NAALADL2: variants seen among roughly 807,000 people sequenced by gnomAD.
NAALADL2 encodes the protein N-acetylated alpha-linked acidic dipeptidase like 2.
A neutral mutation model predicts 87.2 loss-of-function variants in NAALADL2; 76 were observed. The observed-to-expected ratio is 0.87, with a 90% CI of 0.72 to 1.05. The LOEUF is 1.05. Among genes scored for constraint, NAALADL2 ranks in the 50% least tolerant of loss-of-function variants. The pLI, the probability that NAALADL2 is intolerant of heterozygous loss-of-function variation, is 0.00. For synonymous variants in NAALADL2, 354 were observed against 331.0 expected (o/e 1.07, Z -0.75); for missense variants, 1,089 against 945.8 (o/e 1.15, Z -1.99).
In NAALADL2 at chr3:175,463,423, A is replaced by G; in HGVS notation, c.1257A>G (p.Gln419=). 6.3e-7 allele frequency: 1 copy of G among 1,594,644 alleles called. No homozygotes were observed. Residue 419 remains glutamine, a synonymous_variant, in exon 7 of 14, where the codon CAA becomes CAG. Coordinates refer to ENST00000454872, the MANE Select transcript of NAALADL2 (RefSeq NM_207015.3). The part of the protein sequence containing the change: ...PNNEIRVVSM[Q]VQTVTKLKTV... ...CAGAAATAAGAGTCGTCAGCATGCA[A>G]GTTCAGACAGTCACAAAATTGAAAA...
At chr3:174,546,745 C>A (rs552579930) in intron 1 of NAALADL2, among the ~76,000 whole-genome samples, 4 of 152,156 alleles carry the variant, frequency 2.6e-5, no homozygotes, top group Non-Finnish European at 5.9e-5. Flanking sequence ...ACATCCTCGA[C>A]CTCCTAGGCT....
At chr3:174,893,245 C>T (rs181370672) in intron 1 of NAALADL2, among the ~76,000 whole-genome samples, 24 of 151,846 alleles carry the variant, frequency 1.6e-4, no homozygotes, top group East Asian at 1.2e-3. Flanking sequence ...CTTTCCCAAA[C>T]AAAAGCAGAA....
At chr3:175,510,255 A>C (rs546304863) in intron 9 of NAALADL2, among the ~76,000 whole-genome samples, 29 of 152,226 alleles carry the variant, frequency 1.9e-4, no homozygotes, top group Non-Finnish European at 3.7e-4. Context: ...TATGGGGGAA[A>C]CTGCCCCCAT....
intron 2 of NAALADL2, among the ~76,000 whole-genome samples, chr3:174,629,310 T>C (rs1367828947): frequency 6.6e-6 from 1 of 152,198 alleles, no homozygotes; most frequent in African/African-American, 2.4e-5. Context: ...GCCCTTATGA[T>C]GAGGTCTGAA....
intron 2 of NAALADL2, among the ~76,000 whole-genome samples, chr3:174,588,847 C>G (rs550089689): frequency 6.6e-6 from 1 of 152,188 alleles, no homozygotes; most frequent in Non-Finnish European, 1.5e-5. Flanking sequence ...AGGAGGCAGT[C>G]TGTCTGTTCT....
intron 9 of NAALADL2, among the ~76,000 whole-genome samples, chr3:175,566,730 G>C (rs1031680127): frequency 6.6e-6 from 1 of 151,598 alleles, no homozygotes; most frequent in Admixed American, 6.6e-5. Context: ...ATTTTTTCTG[G>C]GTAATATCAG....
chr3:175,553,242 A>C (rs4632554), intron 9 of NAALADL2, among the ~76,000 whole-genome samples: 3 of 151,978 alleles, frequency 2.0e-5, no homozygotes, highest in Admixed American at 2.0e-4. Flanking sequence ...AGAACAGTCT[A>C]TACATTCTGG....
chr3:174,949,524 A>G (rs1740007223), intron 1 of NAALADL2, among the ~76,000 whole-genome samples: 1 of 152,198 alleles, frequency 6.6e-6, no homozygotes, highest in African/African-American at 2.4e-5. Context: ...AAACAAATTC[A>G]GTAATCAGCT....
chr3:175,058,368 C>T (rs562540253), intron 1 of NAALADL2, among the ~76,000 whole-genome samples: 3 of 152,118 alleles, frequency 2.0e-5, no homozygotes, highest in Non-Finnish European at 4.4e-5. Context: ...TGGTTATTCA[C>T]ACATAGCTAG....
chr3:174,472,610 A>G (rs747389462), intron 1 of NAALADL2, among the ~76,000 whole-genome samples: 29 of 152,276 alleles, frequency 1.9e-4, no homozygotes, highest in Middle Eastern at 3.4e-3. Flanking sequence ...GGACAAAATT[A>G]TTGCTCTCAA....
chr3:175,294,155 C>A (rs1756009824), intron 4 of NAALADL2, among the ~76,000 whole-genome samples: 1 of 152,082 alleles, frequency 6.6e-6, no homozygotes, highest in South Asian at 2.1e-4. Context: ...AGAATATAGC[C>A]AGTAAAGCAG....
intron 6 of NAALADL2, among the ~76,000 whole-genome samples, chr3:175,460,548 G>C (rs566810594): frequency 6.6e-6 from 1 of 152,174 alleles, no homozygotes; most frequent in African/African-American, 2.4e-5. Flanking sequence ...TCTAGACCTC[G>C]AGATGTAGAA....
intron 9 of NAALADL2, among the ~76,000 whole-genome samples, chr3:175,515,678 C>T (rs1237572148): frequency 6.6e-6 from 1 of 152,130 alleles, no homozygotes; most frequent in Admixed American, 6.6e-5. Flanking sequence ...TCAGATAAGC[C>T]GGCAAATCAA....
chr3:174,706,993 C>T (rs1730135200), intron 2 of NAALADL2, among the ~76,000 whole-genome samples: 1 of 152,138 alleles, frequency 6.6e-6, no homozygotes, highest in Non-Finnish European at 1.5e-5. Context: ...ACGATATGAA[C>T]AGACACTTCT....
At chr3:175,550,790 A>G (rs1714209108) in intron 9 of NAALADL2, among the ~76,000 whole-genome samples, 1 of 152,324 alleles carries the variant, frequency 6.6e-6, no homozygotes, top group East Asian at 1.9e-4. Context: ...GGCAGCAAAC[A>G]TGGAAACTTT....
chr3:175,049,756 G>A (rs1307296289), intron 1 of NAALADL2, among the ~76,000 whole-genome samples: 1 of 152,154 alleles, frequency 6.6e-6, no homozygotes, highest in Non-Finnish European at 1.5e-5. Context: ...TCCCATAGCT[G>A]CAAGAGAGTC....
intron 11 of NAALADL2, among the ~76,000 whole-genome samples, chr3:175,712,027 T>C (rs1473866677): frequency 6.6e-6 from 1 of 151,954 alleles, no homozygotes; most frequent in Non-Finnish European, 1.5e-5. Context: ...GAGAAGCATA[T>C]GATATGATCT....
chr3:174,500,048 C>T (rs1718789730), intron 1 of NAALADL2, among the ~76,000 whole-genome samples: 1 of 151,598 alleles, frequency 6.6e-6, no homozygotes, highest in South Asian at 2.1e-4. Context: ...AGTCTTCTGA[C>T]CCTTGAAAAA....
chr3:175,576,283 G>GAAATGAAA, intron 10 of NAALADL2, 96 bp downstream of exon 10: 1 of 1,118,328 alleles, frequency 8.9e-7, no homozygotes. Context: ...ATATCAAATA[G>GAAATGAAA]GTCACTATAG....
Sources: gnomAD v4.1 joint callset for allele counts (sites outside exome capture counted in the v4.1 genomes callset) on GRCh38, gnomAD v4.1.1 for gene constraint, MANE v1.5 for transcripts, NCBI Gene and HGNC (gene_info 2026-07-23, HGNC 2026-07-21) for gene names.